RASA2: variants seen among roughly 807,000 people sequenced by gnomAD.
The protein encoded by RASA2 is RAS p21 protein activator 2.
In RASA2, 155 loss-of-function variants were observed where a neutral mutation model predicts 118.2. That is an observed-to-expected ratio of 1.31 (90% CI 1.15 to 1.50). RASA2 has a LOEUF of 1.50. Ranked by LOEUF, RASA2 falls within the 40% of genes most tolerant of loss-of-function variation. The pLI is 0.00. For missense variants in RASA2, 1,016 were observed against 1,009.6 expected (o/e 1.01, Z -0.09); for synonymous variants, 353 against 349.1 (o/e 1.01, Z -0.12).
At chr3:141,565,195 G>A (rs754736324) in intron 9 of RASA2, among the ~76,000 whole-genome samples, 3 of 152,184 alleles carry the variant, frequency 2.0e-5, no homozygotes, top group Non-Finnish European at 4.4e-5. Flanking sequence ...ATGTTGGCCA[G>A]CCTGGTCTCG....
chr3:141,607,542 C>T (rs2083566540), intron 19 of RASA2, 136 bp from the exon 20 acceptor site: 3 of 832,630 alleles, frequency 3.6e-6, no homozygotes, highest in African/African-American at 1.8e-5. Context: ...ATATATATGC[C>T]ATTTGTAAGT....
chr3:141,607,266 C>T (rs1490072387), intron 19 of RASA2, among the ~76,000 whole-genome samples: 2 of 152,022 alleles, frequency 1.3e-5, no homozygotes, highest in Non-Finnish European at 2.9e-5. Flanking sequence ...TAAAAATGCA[C>T]ATAGGTAGTC....
At chr3:141,517,566 C>T (rs944482440) in intron 3 of RASA2, among the ~76,000 whole-genome samples, 8 of 152,174 alleles carry the variant, frequency 5.3e-5, no homozygotes, top group Admixed American at 3.3e-4. Flanking sequence ...TCACCTTATG[C>T]CAGGCCCCTC....
At chr3:141,611,537 C>T (rs759912776) in intron 23 of RASA2, among the ~76,000 whole-genome samples, 7 of 152,066 alleles carry the variant, frequency 4.6e-5, no homozygotes, top group Admixed American at 2.6e-4. Flanking sequence ...CTCAAATCAG[C>T]CCAACTTGGT....
At chr3:141,568,347 G>C (rs1313296237) in intron 9 of RASA2, among the ~76,000 whole-genome samples, 3 of 151,994 alleles carry the variant, frequency 2.0e-5, no homozygotes, top group Non-Finnish European at 4.4e-5. Context: ...ATTTATAAAT[G>C]TGTATATATG....
intron 5 of RASA2, 37 bp from the exon 6 acceptor site, chr3:141,553,820 G>A (rs2082607986): frequency 6.3e-7 from 1 of 1,580,672 alleles, no homozygotes; most frequent in Non-Finnish European, 8.6e-7. Context: ...TGTTTAACTG[G>A]AATCTAATAT....
chr3:141,509,822 A>G (rs954905732), intron 1 of RASA2, among the ~76,000 whole-genome samples: 4 of 152,196 alleles, frequency 2.6e-5, no homozygotes, highest in African/African-American at 9.7e-5. Flanking sequence ...CGGTTCAGAT[A>G]TAGATTATTT....
At chr3:141,564,467 A>G (rs74836473) in intron 9 of RASA2, among the ~76,000 whole-genome samples, 3,222 of 152,256 alleles carry the variant, frequency 0.021, 56 homozygotes, top group Middle Eastern at 0.044. Context: ...GAAAAGATTC[A>G]TCTAGAGTAA....
chr3:141,516,056 TG>T (rs2082019565), intron 2 of RASA2, among the ~76,000 whole-genome samples: 1 of 62,834 alleles, frequency 1.6e-5, no homozygotes. Flanking sequence ...TGTTGTGGGG[TG>T]GGGGGAGGGG....
intron 19 of RASA2, 28 bp downstream of exon 19, chr3:141,586,780 G>T (rs749654551): frequency 2.5e-5 from 39 of 1,548,964 alleles, no homozygotes; most frequent in Middle Eastern, 3.4e-4. Context: ...TTATTGTGGG[G>T]TTTTTCCTGG....
intron 19 of RASA2, among the ~76,000 whole-genome samples, chr3:141,590,360 C>T (rs1374862470): frequency 1.3e-5 from 2 of 152,196 alleles, no homozygotes; most frequent in Admixed American, 6.5e-5. Flanking sequence ...TGTGGTAAGG[C>T]TGTGGCCTTA....
intron 9 of RASA2, among the ~76,000 whole-genome samples, chr3:141,566,931 C>T (rs1411209251): frequency 3.3e-5 from 5 of 152,048 alleles, no homozygotes; most frequent in Non-Finnish European, 7.4e-5. Context: ...CCTATTCTGA[C>T]CTATCTACTG....
At chr3:141,571,318 T>G in intron 10 of RASA2, 88 bp from the exon 11 acceptor site, 1 of 1,494,304 alleles carries the variant, frequency 6.7e-7, no homozygotes, top group Non-Finnish European at 9.0e-7. Context: ...TTAGTGACAT[T>G]ATTTCAGTTA....
intron 1 of RASA2, among the ~76,000 whole-genome samples, chr3:141,501,009 C>T (rs915245960): frequency 4.6e-5 from 7 of 152,152 alleles, no homozygotes; most frequent in African/African-American, 1.4e-4. Flanking sequence ...GTAAGATACA[C>T]CTGTCTGCAG....
chr3:141,601,892 TTTAC>T (rs1486942068), intron 19 of RASA2, among the ~76,000 whole-genome samples: 1 of 152,212 alleles, frequency 6.6e-6, no homozygotes, highest in Non-Finnish European at 1.5e-5. Context: ...TCAGATCATT[TTTAC>T]TTAAGTTCAC....
Position 141,570,914 on chromosome 3 carries a change from A to G in RASA2, c.866A>G (p.Tyr289Cys). 2 of 1,602,484 alleles carry G rather than the reference A, an allele frequency of 1.2e-6. No individual in the cohort carries two copies. Among genetic ancestry groups the G allele is most frequent in the Non-Finnish European group, 1.7e-6 (2 of 1,176,298 alleles). ...LRTDSSHQAW[Y>C]LLQPRDNGNK... ...AATCACTTATATTTTTACTTTAGGT[A>G]CTTGCTACAGCCAAGAGACAATGGA... The change falls in exon 10 of 24, where the codon TAC becomes TGC. Residue 289 changes from tyrosine (Y) to cysteine (C), a missense_variant and splice_region_variant. Tyr to Cys is a radical substitution (Grantham distance 194). Transcript: ENST00000286364.
intron 3 of RASA2, among the ~76,000 whole-genome samples, chr3:141,522,263 TA>T (rs1319654085): frequency 6.6e-6 from 1 of 152,162 alleles, no homozygotes; most frequent in Non-Finnish European, 1.5e-5. Flanking sequence ...AACTGTCTTC[TA>T]AATCTGGATC....
intron 11 of RASA2, among the ~76,000 whole-genome samples, chr3:141,572,061 T>TATATATATATACAC (rs1250945462): frequency 4.1e-5 from 4 of 98,268 alleles, no homozygotes; most frequent in Non-Finnish European, 5.8e-5. Flanking sequence ...TATATATATA[T>TATATATATATACAC]ACACACACAC....
intron 9 of RASA2, among the ~76,000 whole-genome samples, chr3:141,565,490 G>C (rs1216283764): frequency 6.6e-6 from 1 of 152,152 alleles, no homozygotes; most frequent in Non-Finnish European, 1.5e-5. Context: ...TCAAGGGCAG[G>C]GCCAGGTGAA....
Sources: allele counts gnomAD v4.1 joint callset (sites outside exome capture counted in the v4.1 genomes callset), GRCh38; gene constraint gnomAD v4.1.1; transcripts MANE v1.5; gene names NCBI Gene and HGNC (gene_info 2026-07-23, HGNC 2026-07-21).